The following RGS7 variants were observed in gnomAD, a reference collection of about 807,000 sequenced individuals.
RGS7 encodes regulator of G-protein signaling 7.
In RGS7, 27 loss-of-function variants were observed where a neutral mutation model predicts 81.1. The ratio of observed to expected loss-of-function variants is 0.33; its 90% CI spans 0.25 to 0.46. The LOEUF (loss-of-function observed/expected upper bound fraction) is 0.46, where lower values mean the gene tolerates loss of function less well. Ranked by LOEUF, RGS7 falls within the 20% of genes least tolerant of loss-of-function variation. The pLI, the probability that RGS7 is intolerant of heterozygous loss-of-function variation, is 1.00. For synonymous variants in RGS7, 208 were observed against 207.7 expected (o/e 1.00, Z -0.01); for missense variants, 396 against 607.4 (o/e 0.65, Z 3.66).
At chr1:241,018,402 T>C (rs2059376391) in intron 3 of RGS7, among the ~76,000 whole-genome samples, 1 of 152,172 alleles carries the variant, frequency 6.6e-6, no homozygotes, top group Non-Finnish European at 1.5e-5. Context: ...ACCTTTAGTA[T>C]GAGATTACCT....
intron 2 of RGS7, among the ~76,000 whole-genome samples, chr1:241,350,296 T>C (rs1485966847): frequency 6.6e-6 from 1 of 152,198 alleles, no homozygotes; most frequent in Non-Finnish European, 1.5e-5. Context: ...ATCACTGAGA[T>C]AAAAACAGAT....
chr1:241,303,961 G>C (rs2079929315), intron 2 of RGS7, among the ~76,000 whole-genome samples: 1 of 152,150 alleles, frequency 6.6e-6, no homozygotes, highest in African/African-American at 2.4e-5. Context: ...TTTCATTTTT[G>C]TAGTAATAAT....
At chr1:241,092,002 C>G (rs2063918090) in intron 3 of RGS7, among the ~76,000 whole-genome samples, 2 of 152,166 alleles carry the variant, frequency 1.3e-5, no homozygotes, top group Admixed American at 1.3e-4. Flanking sequence ...TTATTCCGGT[C>G]ATCAGGGTTT....
At chr1:241,023,205 C>G (rs1442811805) in intron 3 of RGS7, among the ~76,000 whole-genome samples, 1 of 151,994 alleles carries the variant, frequency 6.6e-6, no homozygotes, top group Non-Finnish European at 1.5e-5. Context: ...ACCAAAACAG[C>G]CTTAACATTT....
At chr1:241,066,861 C>T (rs2062092993) in intron 3 of RGS7, among the ~76,000 whole-genome samples, 1 of 152,202 alleles carries the variant, frequency 6.6e-6, no homozygotes, top group Admixed American at 6.5e-5. Flanking sequence ...ATAGAATCTT[C>T]AAAGAAGTTT....
chr1:241,327,028 A>AGGGAGGGAGGGAGGGAGGGAGGG (rs1257519305), intron 2 of RGS7, among the ~76,000 whole-genome samples: 9 of 2,654 alleles, frequency 3.4e-3, no homozygotes, highest in South Asian at 0.014. Context: ...GGAAGGAAGG[A>AGGGAGGGAGGGAGGGAGGGAGGG]AGGAAGGAAG....
chr1:241,068,238 G>GTGTGTGTGTGTATATATATATATATA, intron 3 of RGS7, among the ~76,000 whole-genome samples: 2 of 35,656 alleles, frequency 5.6e-5, no homozygotes, highest in African/African-American at 9.5e-5. Context: ...GTGTGTGTGT[G>GTGTGTGTGTGTATATATATATATATA]TATATATATA....
intron 2 of RGS7, among the ~76,000 whole-genome samples, chr1:241,241,410 G>T (rs1382241875): frequency 2.0e-5 from 3 of 151,884 alleles, no homozygotes; most frequent in Non-Finnish European, 2.9e-5. Flanking sequence ...AATAAATTGG[G>T]CTCAAGATTT....
Position 240,868,524 on chromosome 1 carries a change from G to T in RGS7, c.609+63C>A. On this transcript the variant is annotated intron_variant, in intron 9 of 18. Transcript: ENST00000440928. This position sits in a 1 kb window ranked among gnomAD's most constrained non-coding sequence, Gnocchi z 5.1. ...ACAGTCTTTCACTTACTTTGGCAGG[G>T]CACCCCTCACTTCCCACAGACGGAG... is the stretch of plus-strand genomic sequence containing the variant. The T allele has an allele frequency of 2.1e-6, 3 of 1,422,506 alleles. No individual in the cohort carries two copies. The highest frequency in any genetic ancestry group is 3.0e-6 in the Non-Finnish European group (3 of 1,006,844). The allele number at this position is 1,422,506 out of a possible 1,614,324, so 88.1% of individuals were successfully genotyped here. A position where few individuals can be genotyped will look rare whatever the true frequency, so the allele number is the denominator to read the frequency against.
intron 4 of RGS7, among the ~76,000 whole-genome samples, chr1:240,952,824 A>G (rs898021276): frequency 4.0e-5 from 1 of 25,280 alleles, no homozygotes; most frequent in Non-Finnish European, 8.4e-5. Flanking sequence ...AAAGACTCAT[A>G]TATGTTAAAA....
intron 9 of RGS7, among the ~76,000 whole-genome samples, chr1:240,856,682 C>A (rs1398411721): frequency 1.3e-5 from 2 of 152,062 alleles, no homozygotes; most frequent in African/African-American, 2.4e-5. Flanking sequence ...TCCATACAAC[C>A]GTGGTGCAAC....
intron 6 of RGS7, among the ~76,000 whole-genome samples, chr1:240,883,703 T>A (rs890520688): frequency 5.3e-5 from 8 of 152,218 alleles, no homozygotes; most frequent in African/African-American, 1.9e-4. Flanking sequence ...CCAGCTCTCA[T>A]ACTGTAAACA....
chr1:241,006,085 AC>A (rs1242441530), intron 3 of RGS7, among the ~76,000 whole-genome samples: 1 of 152,088 alleles, frequency 6.6e-6, no homozygotes, highest in African/African-American at 2.4e-5. Context: ...TAGACATATA[AC>A]GTAGTATTCT....
At position 241,275,518 on chromosome 1, in the gene RGS7, G is replaced by A. The variant is rs1341168137; in HGVS notation, c.78+80181C>T. Among the ~76,000 whole-genome samples, 4 of 152,234 alleles carry A rather than the reference G, an allele frequency of 2.6e-5. 1 individual carries two copies. The South Asian group carries it at 8.3e-4, about 32-fold the overall frequency. On this transcript the variant is annotated intron_variant, in intron 2 of 18. Coordinates refer to ENST00000440928, the MANE Select transcript of RGS7 (RefSeq NM_001364886.1). ...GACTTGATTCTTTAGAATCCTCTAT[G>A]GTAGGAAACGTTGGTGACCCTTGAG...
rs545719630 is a variant in RGS7, at chr1:241,313,630, T to G, written c.78+42069A>C. ...CGAGGAGTAGTTTCTACTTTAAGTC[T>G]TACAAGTTAAAAACAAAATACATTT... On this transcript the variant is annotated intron_variant, in intron 2 of 18. Coordinates refer to ENST00000440928, the MANE Select transcript of RGS7 (RefSeq NM_001364886.1). 2.6e-5 allele frequency among the ~76,000 whole-genome samples: 4 copies of G among 152,332 alleles called. No homozygotes were observed. In the East Asian group the frequency reaches 7.7e-4, roughly 29 times the overall value.
chr1:240,870,576 G>A (rs2148031386), intron 6 of RGS7, among the ~76,000 whole-genome samples: 1 of 152,116 alleles, frequency 6.6e-6, no homozygotes, highest in Admixed American at 6.5e-5. Context: ...TTGAACTCCT[G>A]GGCTCAAGTG....
At chr1:241,280,990 G>T in intron 2 of RGS7, among the ~76,000 whole-genome samples, 1 of 152,058 alleles carries the variant, frequency 6.6e-6, no homozygotes, top group East Asian at 1.9e-4. Flanking sequence ...ATACTACAAA[G>T]TTTGTTAGAG....
intron 9 of RGS7, among the ~76,000 whole-genome samples, chr1:240,849,855 T>C (rs1215196918): frequency 6.6e-6 from 1 of 152,232 alleles, no homozygotes; most frequent in Admixed American, 6.5e-5. Context: ...TCCAGTTTCA[T>C]GTATTCCTTT....
At chr1:241,062,196 T>G (rs528656540) in intron 3 of RGS7, among the ~76,000 whole-genome samples, 8 of 152,314 alleles carry the variant, frequency 5.3e-5, no homozygotes, top group African/African-American at 1.9e-4. Context: ...TTTAGCATTG[T>G]GTATTCATAA....
Sources: allele counts gnomAD v4.1 joint callset (sites outside exome capture counted in the v4.1 genomes callset), GRCh38; gene constraint gnomAD v4.1.1; non-coding constraint Gnocchi (gnomAD v3.1); transcripts MANE v1.5; gene names NCBI Gene and HGNC (gene_info 2026-07-23, HGNC 2026-07-21).